The following LRBA variants were observed in gnomAD, a reference collection of about 807,000 sequenced individuals.
LRBA encodes LPS responsive beige-like anchor protein.
LRBA carries 176 observed loss-of-function variants against 330.0 expected under a neutral mutation model. That is an observed-to-expected ratio of 0.53 (90% CI 0.47 to 0.60). The LOEUF is 0.60. Among genes scored for constraint, LRBA ranks in the 20% least tolerant of loss-of-function variants. LRBA has a pLI of 0.00. For synonymous variants in LRBA, 1,230 were observed against 1,193.0 expected (o/e 1.03, Z -0.64); for missense variants, 3,259 against 3,444.8 (o/e 0.95, Z 1.35).
Position 150,428,304 on chromosome 4 carries a change from A to C in LRBA, c.7041+7285T>G, listed in dbSNP as rs191600888. Among the ~76,000 whole-genome samples the C allele has an allele frequency of 5.1e-4, 77 of 152,176 alleles. 3 individuals carry two copies. Among genetic ancestry groups the C allele is most frequent in the Admixed American group, 4.1e-3 (63 of 15,284 alleles). ...ACATTAAATTATAAAATAGGTTTTT[A>C]AGTGAAAAATCCAAGATATGACCAG... On this transcript the variant is annotated intron_variant, in intron 46 of 56. Transcript: ENST00000651943.
intron 36 of LRBA, among the ~76,000 whole-genome samples, chr4:150,706,589 A>G (rs1177673008): frequency 6.6e-6 from 1 of 151,460 alleles, no homozygotes; most frequent in East Asian, 1.9e-4. Flanking sequence ...GAAAATATCC[A>G]CACATTTAAC....
At chr4:150,858,067 G>C (rs1346828893) in intron 22 of LRBA, among the ~76,000 whole-genome samples, 2 of 152,150 alleles carry the variant, frequency 1.3e-5, no homozygotes. Context: ...TAGGTGTTTG[G>C]ATAATGGATA....
At chr4:150,892,609 C>A (rs534104470) in intron 17 of LRBA, among the ~76,000 whole-genome samples, 6 of 152,302 alleles carry the variant, frequency 3.9e-5, no homozygotes, top group Middle Eastern at 3.4e-3. Flanking sequence ...GCCATCCAAT[C>A]TACGGTATTT....
At chr4:150,454,430 G>A (rs1478218015) in intron 44 of LRBA, among the ~76,000 whole-genome samples, 1 of 151,880 alleles carries the variant, frequency 6.6e-6, no homozygotes, top group Non-Finnish European at 1.5e-5. Context: ...ATGATGATTT[G>A]AACAGTTATT....
Position 150,302,690 on chromosome 4 carries a change from C to T in LRBA, c.7952G>A (p.Arg2651His), listed in dbSNP as rs183366690. The part of the protein sequence containing the change: ...GGNCYILSGS[R>H]DATLLLWYWN... The stretch of plus-strand genomic sequence containing the variant: ...ATACCACAGCAAAAGAGTTGCATCA[C>T]GTGACCCTGAGAGAATGTAGCAATT... The change falls in exon 53 of 57, where the codon CGT becomes CAT. Residue 2651 changes from arginine to histidine, a missense_variant. Transcript: ENST00000651943. 9 of 1,613,052 alleles carry T rather than the reference C, an allele frequency of 5.6e-6. No individual in the cohort carries two copies. Among genetic ancestry groups the T allele is most frequent in the South Asian group, 5.5e-5 (5 of 90,916 alleles).
At chr4:150,567,485 C>T (rs1769286574) in intron 40 of LRBA, among the ~76,000 whole-genome samples, 1 of 152,008 alleles carries the variant, frequency 6.6e-6, no homozygotes, top group African/African-American at 2.4e-5. Flanking sequence ...TGATGGGATA[C>T]CAGTAAAAAT....
intron 2 of LRBA, among the ~76,000 whole-genome samples, chr4:150,954,306 G>A (rs551327960): frequency 6.6e-6 from 1 of 152,310 alleles, no homozygotes; most frequent in Admixed American, 6.5e-5. Flanking sequence ...GATGACGATG[G>A]CGGTTTTGTC....
rs184501323 is a variant in LRBA, at chr4:150,469,122, A to G, written c.6668-1337T>C. ...TCGTCTTGTCCCATCTACTTAAATAATCAGAAATAATTTTTTATTGTACCT... is the reference window on the plus strand; with the variant it reads ...TCGTCTTGTCCCATCTACTTAAATAGTCAGAAATAATTTTTTATTGTACCT... On this transcript the variant is annotated intron_variant, in intron 43 of 56. Transcript: ENST00000651943. 2.0e-5 allele frequency among the ~76,000 whole-genome samples: 3 copies of G among 152,218 alleles called. No homozygotes were observed. The East Asian group carries it at 5.8e-4, about 29-fold the overall frequency.
chr4:150,702,889 G>A (rs995712077), intron 36 of LRBA, among the ~76,000 whole-genome samples: 8 of 152,210 alleles, frequency 5.3e-5, no homozygotes, highest in African/African-American at 1.9e-4. Flanking sequence ...GCCGGGCATG[G>A]TGGCTCACAC....
chr4:150,867,895 A>G (rs911738561), intron 21 of LRBA, 32 bp from the exon 22 acceptor site: 1 of 1,510,538 alleles, frequency 6.6e-7, no homozygotes. Flanking sequence ...TAAATTACTG[A>G]AGAAAAAAAA....
chr4:150,435,034 G>A (rs1750927996), intron 46 of LRBA, among the ~76,000 whole-genome samples: 1 of 151,878 alleles, frequency 6.6e-6, no homozygotes, highest in Non-Finnish European at 1.5e-5. Context: ...TGATAGAGGA[G>A]AGACAGTCAT....
chr4:150,389,157 A>C (rs1366945847), intron 47 of LRBA, among the ~76,000 whole-genome samples: 1 of 152,302 alleles, frequency 6.6e-6, no homozygotes, highest in East Asian at 1.9e-4. Context: ...ATTAACTTTT[A>C]TAAAGGCAGT....
chr4:150,807,635 T>C (rs921881630), intron 32 of LRBA, among the ~76,000 whole-genome samples: 14 of 17,330 alleles, frequency 8.1e-4, no homozygotes, highest in Admixed American at 1.7e-3. Context: ...CATTTTGTTG[T>C]TGTTGTTGTT....
intron 29 of LRBA, among the ~76,000 whole-genome samples, chr4:150,829,834 C>G (rs1466661208): frequency 4.0e-5 from 6 of 151,624 alleles, no homozygotes; most frequent in African/African-American, 1.2e-4. Flanking sequence ...CTAAAAAAAC[C>G]TCTCAAACTC....
At chr4:150,939,898 C>T (rs1432038676) in intron 2 of LRBA, among the ~76,000 whole-genome samples, 13 of 152,112 alleles carry the variant, frequency 8.5e-5, no homozygotes, top group Admixed American at 8.5e-4. Context: ...GTGATGGGTA[C>T]ACTAACAGGC....
chr4:150,387,491 G>A (rs1434835797), intron 47 of LRBA, among the ~76,000 whole-genome samples: 1 of 152,104 alleles, frequency 6.6e-6, no homozygotes, highest in Non-Finnish European at 1.5e-5. Flanking sequence ...AATAAACCCT[G>A]TTGGCCTAAG....
In LRBA at chr4:150,326,969, G is replaced by C. The variant is rs143159096; in HGVS notation, c.7363-1071C>G. ...ACATCATCTCAAATATTTTCTGATA[G>C]AGTGAAATTAATTTATGATTAAACA... On this transcript the variant is annotated intron_variant, in intron 48 of 56. Coordinates refer to ENST00000651943, the MANE Select transcript of LRBA (RefSeq NM_001364905.1). 3.4e-3 allele frequency among the ~76,000 whole-genome samples: 525 copies of C among 152,254 alleles called. 1 individual carries two copies. Among genetic ancestry groups the C allele is most frequent in the Admixed American group, 5.9e-3 (90 of 15,298 alleles).
At chr4:150,393,378 A>G (rs1449328800) in intron 47 of LRBA, among the ~76,000 whole-genome samples, 1 of 151,124 alleles carries the variant, frequency 6.6e-6, no homozygotes, top group East Asian at 1.9e-4. Context: ...GTCAGGCATT[A>G]TAATAAACTC....
chr4:150,284,545 T>C (rs1580894954), intron 54 of LRBA, among the ~76,000 whole-genome samples: 4 of 152,270 alleles, frequency 2.6e-5, no homozygotes, highest in Admixed American at 2.6e-4. Flanking sequence ...TTGACAAAAT[T>C]ATTCTTAGAG....
Sources: gnomAD v4.1 joint callset for allele counts (sites outside exome capture counted in the v4.1 genomes callset) on GRCh38, gnomAD v4.1.1 for gene constraint, MANE v1.5 for transcripts, NCBI Gene and HGNC (gene_info 2026-07-23, HGNC 2026-07-21) for gene names.